The following WWOX variants were observed in gnomAD, a reference collection of about 807,000 sequenced individuals.
WWOX encodes the protein WW domain containing oxidoreductase, also known as WW domain-containing oxidoreductase.
In WWOX, 69 loss-of-function variants were observed where a neutral mutation model predicts 46.2. The ratio of observed to expected loss-of-function variants is 1.49; its 90% CI spans 1.23 to 1.82. The LOEUF is 1.82. Among genes scored for constraint, WWOX ranks in the 40% most tolerant of loss-of-function variants. The probability of loss-of-function intolerance (pLI) is 0.00; values close to 1 mark genes in which losing one functional copy is unlikely to be tolerated. For missense variants in WWOX, 919 were observed against 542.6 expected, an observed-to-expected ratio of 1.69 and a Z score of -6.89; for synonymous variants, 359 against 202.6, an observed-to-expected ratio of 1.77 and a Z score of -6.56.
At chr16:78,473,106 A>T (rs758109634) in intron 8 of WWOX, among the ~76,000 whole-genome samples, 1 of 152,154 alleles carries the variant, frequency 6.6e-6, no homozygotes, top group Non-Finnish European at 1.5e-5. Flanking sequence ...GTTTTATAGG[A>T]ACACAGTGTT....
At chr16:78,888,443 G>C (rs1422006616) in intron 8 of WWOX, among the ~76,000 whole-genome samples, 2 of 152,174 alleles carry the variant, frequency 1.3e-5, no homozygotes, top group Non-Finnish European at 2.9e-5. Context: ...TAGGGATTTA[G>C]TTTCTCACAT....
At chr16:78,270,798 T>A (rs1458903668) in intron 5 of WWOX, among the ~76,000 whole-genome samples, 1 of 152,126 alleles carries the variant, frequency 6.6e-6, no homozygotes, top group Non-Finnish European at 1.5e-5. Context: ...GCCAGTAGCC[T>A]TTTATTTATG....
At chr16:78,981,484 C>G (rs918825705) in intron 8 of WWOX, among the ~76,000 whole-genome samples, 9 of 151,128 alleles carry the variant, frequency 6.0e-5, no homozygotes, top group Non-Finnish European at 1.0e-4. Context: ...GTCATCCAGG[C>G]TGGCATGCAG....
chr16:78,607,827 G>A (rs919241603), intron 8 of WWOX, among the ~76,000 whole-genome samples: 4 of 151,964 alleles, frequency 2.6e-5, no homozygotes, highest in Admixed American at 6.6e-5. Flanking sequence ...CACGGAAAAG[G>A]GCTGGATTTT....
At chr16:79,076,226 G>T (rs1471069570) in intron 8 of WWOX, among the ~76,000 whole-genome samples, 2 of 152,192 alleles carry the variant, frequency 1.3e-5, no homozygotes, top group African/African-American at 4.8e-5. Flanking sequence ...TGTGGGTTAT[G>T]TGTGACCACA....
intron 8 of WWOX, among the ~76,000 whole-genome samples, chr16:78,976,885 G>A (rs559795742): frequency 2.6e-5 from 4 of 152,256 alleles, no homozygotes; most frequent in South Asian, 2.1e-4. Flanking sequence ...TATGCACGCC[G>A]CACTCCACCT....
At chr16:78,351,705 G>A (rs1490311059) in intron 5 of WWOX, among the ~76,000 whole-genome samples, 8 of 152,142 alleles carry the variant, frequency 5.3e-5, no homozygotes, top group African/African-American at 1.9e-4. Flanking sequence ...TGCCCAGGCT[G>A]GAATGCAGTG....
At chr16:78,442,907 G>C (rs954582594) in intron 8 of WWOX, among the ~76,000 whole-genome samples, 1 of 152,024 alleles carries the variant, frequency 6.6e-6, no homozygotes, top group African/African-American at 2.4e-5. Context: ...CGAATCACGA[G>C]GTCAGGAGAT....
intron 8 of WWOX, among the ~76,000 whole-genome samples, chr16:78,539,678 A>G (rs1029517569): frequency 2.6e-5 from 4 of 152,210 alleles, no homozygotes; most frequent in Admixed American, 2.6e-4. Context: ...TGCCTGGGAA[A>G]TGAAATTTCT....
At chr16:78,864,824 G>C (rs1350631647) in intron 8 of WWOX, among the ~76,000 whole-genome samples, 1 of 133,798 alleles carries the variant, frequency 7.5e-6, no homozygotes, top group Non-Finnish European at 1.5e-5. Context: ...GTGCAGTGGT[G>C]TGAACTCGGC....
intron 8 of WWOX, among the ~76,000 whole-genome samples, chr16:78,568,940 G>A (rs2044644671): frequency 6.6e-6 from 1 of 152,100 alleles, no homozygotes; most frequent in Non-Finnish European, 1.5e-5. Context: ...AGGTCTTATT[G>A]TCCACTTCTA....
At chr16:78,798,972 A>G (rs891718750) in intron 8 of WWOX, among the ~76,000 whole-genome samples, 1 of 152,080 alleles carries the variant, frequency 6.6e-6, no homozygotes. Context: ...TTCTTGGTCT[A>G]TTAATTCAGG....
chr16:78,516,273 G>A (rs937366284), intron 8 of WWOX, among the ~76,000 whole-genome samples: 8 of 152,058 alleles, frequency 5.3e-5, no homozygotes, highest in Admixed American at 3.3e-4. Flanking sequence ...TTTGCTGTTG[G>A]CTTTTACAAG....
At chr16:78,441,563 A>G (rs924763709) in intron 8 of WWOX, among the ~76,000 whole-genome samples, 1 of 152,120 alleles carries the variant, frequency 6.6e-6, no homozygotes, top group African/African-American at 2.4e-5. Flanking sequence ...TTTGGAGGGA[A>G]TGAATGTAAG....
chr16:79,030,296 G>T (rs1217802495), intron 8 of WWOX, among the ~76,000 whole-genome samples: 1 of 152,062 alleles, frequency 6.6e-6, no homozygotes, highest in Non-Finnish European at 1.5e-5. Flanking sequence ...CTTCATTAGG[G>T]TTTCTCTCCT....
intron 8 of WWOX, among the ~76,000 whole-genome samples, chr16:79,089,308 C>G (rs538473443): frequency 6.7e-6 from 1 of 148,666 alleles, no homozygotes; most frequent in East Asian, 2.0e-4. Context: ...AAATTAGCGT[C>G]ATCATGAACG....
At chr16:78,683,782 T>C (rs12149298) in intron 8 of WWOX, among the ~76,000 whole-genome samples, 1,929 of 152,228 alleles carry the variant, frequency 0.013, 19 homozygotes, top group South Asian at 0.04. Context: ...ACAGTCGTGA[T>C]TTAGGGCATG....
chr16:78,953,789 G>A (rs192910551), intron 8 of WWOX, among the ~76,000 whole-genome samples: 2 of 152,322 alleles, frequency 1.3e-5, no homozygotes, highest in East Asian at 3.9e-4. Flanking sequence ...TCTCAGCTCA[G>A]ATTCTACCTA....
intron 8 of WWOX, among the ~76,000 whole-genome samples, chr16:78,770,811 C>A (rs1012026727): frequency 6.6e-6 from 1 of 152,246 alleles, no homozygotes. Flanking sequence ...TTCTTTCCTC[C>A]CAAGCCGAGC....
Sources: gnomAD v4.1 joint callset for allele counts (sites outside exome capture counted in the v4.1 genomes callset) on GRCh38, gnomAD v4.1.1 for gene constraint, MANE v1.5 for transcripts, NCBI Gene and HGNC (gene_info 2026-07-23, HGNC 2026-07-21) for gene names.